SPANXN4: variants seen among roughly 807,000 people sequenced by gnomAD.
SPANXN4 encodes sperm protein associated with the nucleus on the X chromosome N4.
A neutral mutation model predicts 6.0 loss-of-function variants in SPANXN4; 5 were observed. The ratio of observed to expected loss-of-function variants is 0.83; its 90% CI spans 0.44 to 1.75. The LOEUF (loss-of-function observed/expected upper bound fraction) is 1.75, where lower values mean the gene tolerates loss of function less well. SPANXN4 is among the 40% of genes most tolerant of loss of function. The probability of loss-of-function intolerance (pLI) is 0.02; values close to 1 mark genes in which losing one functional copy is unlikely to be tolerated. For synonymous variants in SPANXN4, 45 were observed against 38.0 expected (o/e 1.19, Z -0.68); for missense variants, 157 against 108.6 (o/e 1.45, Z -1.98).
intron 1 of SPANXN4, among the ~76,000 whole-genome samples, chrX:143,028,800 G>C (rs186357252): frequency 3.6e-5 from 4 of 111,115 alleles, no homozygotes; most frequent in African/African-American, 1.3e-4. Flanking sequence ...AAAGGAGATG[G>C]TTTGATAGCT....
downstream of SPANXN4, among the ~76,000 whole-genome samples, chrX:143,035,218 T>G (rs948249379): frequency 9.0e-6 from 1 of 111,213 alleles, no homozygotes; most frequent in Non-Finnish European, 1.9e-5. Flanking sequence ...TCCTGTTTAT[T>G]TACTCATTCA....
At chrX:143,035,509 TG>T (rs1260820864), downstream of SPANXN4, among the ~76,000 whole-genome samples, 1 of 110,824 alleles carries the variant, frequency 9.0e-6, no homozygotes, top group African/African-American at 3.3e-5. Context: ...TTTTAATTTT[TG>T]TACCCACCTT....
At chrX:143,038,522 T>A (rs111566043), downstream of SPANXN4, among the ~76,000 whole-genome samples, 1,086 of 111,772 alleles carry the variant, frequency 9.7e-3, 16 homozygotes, top group African/African-American at 0.033. Flanking sequence ...CTGGCATTAT[T>A]GTTTTCTTGT....
intron 1 of SPANXN4, among the ~76,000 whole-genome samples, chrX:143,028,433 G>T (rs1233649918): frequency 9.0e-6 from 1 of 110,962 alleles, no homozygotes; most frequent in Non-Finnish European, 1.9e-5. Context: ...TTAACCTCTA[G>T]GGAGTTTTTG....
chrX:143,034,064 A>C, exon 2 of SPANXN4: 2 of 1,178,940 alleles, frequency 1.7e-6, no homozygotes, highest in East Asian at 3.1e-5. Context: ...CCCTGAACAG[A>C]GTTTGAAAGA....
At chrX:143,034,769 T>A (rs1932835145), downstream of SPANXN4, 28 of 1,043,146 alleles carry the variant, frequency 2.7e-5, no homozygotes, top group Non-Finnish European at 3.3e-5. Flanking sequence ...AAAATAATGG[T>A]GTTTGGAGGA....
At chrX:143,038,107 C>G (rs929385465), downstream of SPANXN4, among the ~76,000 whole-genome samples, 1 of 111,727 alleles carries the variant, frequency 9.0e-6, no homozygotes. Context: ...ATGTGAAGTG[C>G]TATAACTCAG....
chrX:143,026,111 G>A lies in SPANXN4; in HGVS notation c.78+19G>A. ...TGACAAGGTCAGATTGTTAGGTTTT[G>A]AAGGGAAGGTGAGGGTGAAAGAAAG... On this transcript the variant is annotated intron_variant, in intron 1 of 2. Transcript: ENST00000370504. The A allele has an allele frequency of 8.4e-7, 1 of 1,187,322 alleles. No homozygotes were observed. The highest frequency in any genetic ancestry group is 1.1e-6 in the Non-Finnish European group (1 of 878,480).
downstream of SPANXN4, among the ~76,000 whole-genome samples, chrX:143,036,129 G>C (rs185199100): frequency 3.6e-4 from 39 of 108,510 alleles, no homozygotes; most frequent in Middle Eastern, 0.019. Context: ...AAGAGCAGAT[G>C]GATGGTAACC....
intron 1 of SPANXN4, among the ~76,000 whole-genome samples, chrX:143,033,078 G>A (rs1410249701): frequency 3.6e-5 from 4 of 111,649 alleles, no homozygotes; most frequent in African/African-American, 9.8e-5. Context: ...AGAAAAATCT[G>A]GAAAGGAGGA....
intron 1 of SPANXN4, among the ~76,000 whole-genome samples, chrX:143,029,692 G>T (rs1448649952): frequency 9.0e-6 from 1 of 111,105 alleles, no homozygotes; most frequent in Non-Finnish European, 1.9e-5. Context: ...TGATTAGAGG[G>T]TTACCTATGA....
chrX:143,032,407 G>A (rs1003143247), intron 1 of SPANXN4, among the ~76,000 whole-genome samples: 1 of 110,063 alleles, frequency 9.1e-6, no homozygotes, highest in African/African-American at 3.3e-5. Context: ...GGGATGGAGG[G>A]CGACAGTAAA....
At chrX:143,033,995 C>T in intron 1 of SPANXN4, 30 bp from the exon 2 acceptor site, 1 of 1,126,857 alleles carries the variant, frequency 8.9e-7, no homozygotes, top group Non-Finnish European at 1.2e-6. Flanking sequence ...AAAATAACAC[C>T]ATTCTGGCCT....
chrX:143,033,961 A>G, intron 1 of SPANXN4, 64 bp from the exon 2 acceptor site: 2 of 1,014,811 alleles, frequency 2.0e-6, no homozygotes, highest in South Asian at 4.7e-5. Flanking sequence ...CCCCCTTGCT[A>G]TCTATTCTCT....
At chrX:143,026,653 G>A (rs1342743454) in intron 1 of SPANXN4, among the ~76,000 whole-genome samples, 1 of 111,530 alleles carries the variant, frequency 9.0e-6, no homozygotes, top group Non-Finnish European at 1.9e-5. Flanking sequence ...GGGTTTTGAA[G>A]CAGTGGGTGT....
At position 143,030,890 on chromosome X, in the gene SPANXN4, G is replaced by A. The variant is rs935778977; in HGVS notation, c.79-3138G>A. 2.7e-5 allele frequency among the ~76,000 whole-genome samples: 3 copies of A among 111,574 alleles called. No homozygotes were observed. In the Admixed American group the frequency reaches 2.8e-4, roughly 11 times the overall value. On this transcript the variant is annotated intron_variant, in intron 1 of 2. Transcript: ENST00000370504. ...TACAGATAATAGGCTTGAGGGCCCTGAGGCCAGCTGGGTTAAGGGGATATT... is the reference window on the plus strand; with the variant it reads ...TACAGATAATAGGCTTGAGGGCCCTAAGGCCAGCTGGGTTAAGGGGATATT...
rs148965559 is a variant in SPANXN4 at position 143,033,583 on chromosome X, G to A, written c.79-445G>A. Among the ~76,000 whole-genome samples, 961 of 111,441 alleles carry A rather than the reference G, an allele frequency of 8.6e-3. 9 individuals carry two copies. Among genetic ancestry groups the A allele is most frequent in the African/African-American group, 0.029 (893 of 30,605 alleles). ...AGCTGGGCAGTATGGGATGCTGCCT[G>A]GCAGGATATTGATAAGATATTCTTA... On this transcript the variant is annotated intron_variant, in intron 1 of 2. Coordinates refer to ENST00000370504, the Ensembl canonical transcript of SPANXN4.
chrX:143,034,418 A>G, intron 2 of SPANXN4, 107 bp downstream of exon 2: 1 of 1,088,561 alleles, frequency 9.2e-7, no homozygotes, highest in South Asian at 2.4e-5. Context: ...ATTGGCGGAC[A>G]GATCCACAGG....
chrX:143,028,181 G>C (rs1451694647), intron 1 of SPANXN4, among the ~76,000 whole-genome samples: 1 of 110,961 alleles, frequency 9.0e-6, no homozygotes, highest in East Asian at 2.9e-4. Flanking sequence ...GTGTGGGAAG[G>C]ATGTTAGCTT....
Sources: allele counts gnomAD v4.1 joint callset (sites outside exome capture counted in the v4.1 genomes callset), GRCh38; gene constraint gnomAD v4.1.1; transcripts MANE v1.5; gene names NCBI Gene and HGNC (gene_info 2026-07-23, HGNC 2026-07-21).